CCDC125: variants seen among roughly 807,000 people sequenced by gnomAD.
CCDC125 encodes coiled-coil domain containing 125, also known as coiled-coil domain-containing protein 125.
In CCDC125, 43 loss-of-function variants were observed where a neutral mutation model predicts 57.4. The observed-to-expected ratio is 0.75, with a 90% confidence interval of 0.59 to 0.97. The LOEUF is 0.97. CCDC125 is among the 50% of genes least tolerant of loss of function. The pLI is 0.00. For synonymous variants in CCDC125, 187 were observed against 195.2 expected, an observed-to-expected ratio of 0.96 and a Z score of 0.35; for missense variants, 563 against 595.7, an observed-to-expected ratio of 0.95 and a Z score of 0.57.
intron 6 of CCDC125, among the ~76,000 whole-genome samples, chr5:69,304,352 GC>G (rs1201715883): frequency 6.6e-6 from 1 of 151,324 alleles, no homozygotes; most frequent in Non-Finnish European, 1.5e-5. Context: ...TGATCAGCCC[GC>G]CTCAGCCTCC....
intron 8 of CCDC125, among the ~76,000 whole-genome samples, chr5:69,297,436 C>T (rs1755552009): frequency 6.6e-6 from 1 of 151,822 alleles, no homozygotes; most frequent in Non-Finnish European, 1.5e-5. Context: ...CACAGCTCAC[C>T]ACAACCACTG....
At chr5:69,303,797 C>T in intron 7 of CCDC125, 50 bp downstream of exon 7, 2 of 1,019,448 alleles carry the variant, frequency 2.0e-6, no homozygotes, top group Admixed American at 2.0e-5. Context: ...AAAATACTAG[C>T]ATGTTATCTT....
chr5:69,284,399 G>C (rs1377916639), intron 11 of CCDC125, among the ~76,000 whole-genome samples: 4 of 152,086 alleles, frequency 2.6e-5, no homozygotes, highest in African/African-American at 9.7e-5. Flanking sequence ...TGGGTAGCAG[G>C]ACTGTAAAGG....
intron 1 of CCDC125, among the ~76,000 whole-genome samples, chr5:69,324,247 C>T (rs1760449962): frequency 6.6e-6 from 1 of 152,160 alleles, no homozygotes; most frequent in Non-Finnish European, 1.5e-5. Context: ...AAAGAAGATA[C>T]ATGGATGGAA....
chr5:69,320,359 G>A lies in CCDC125; in HGVS notation c.182C>T (p.Pro61Leu), dbSNP rs201897909. ...TCTTTCTTCTCCCTTTCTCGGAAAT[G>A]GAGGAGGGCTAAAGTTCTTTCCATC... Reference protein sequence around the residue: ...RSDGKNFSPPPFPRKGEERNE... With the variant: ...RSDGKNFSPPLFPRKGEERNE... The change falls in exon 2 of 12, where the codon CCA becomes CTA. Residue 61 changes from proline (P) to leucine (L), a missense_variant. Coordinates refer to ENST00000396496, the MANE Select transcript of CCDC125 (RefSeq NM_176816.5). The A allele has an allele frequency of 6.0e-5, 97 of 1,614,036 alleles. No individual in the cohort carries two copies. The highest frequency in any genetic ancestry group is 8.1e-5 in the Non-Finnish European group (96 of 1,179,964).
intron 8 of CCDC125, among the ~76,000 whole-genome samples, chr5:69,298,916 C>T (rs535237979): frequency 6.6e-6 from 1 of 152,296 alleles, no homozygotes; most frequent in East Asian, 1.9e-4. Flanking sequence ...TGACACCAGG[C>T]AAATTACCTA....
chr5:69,321,155 T>C (rs1759959188), intron 1 of CCDC125, among the ~76,000 whole-genome samples: 1 of 152,126 alleles, frequency 6.6e-6, no homozygotes. Context: ...CATTTCAAAA[T>C]TGCTCATAGA....
chr5:69,287,263 AT>A (rs11331460), intron 10 of CCDC125, among the ~76,000 whole-genome samples: 5,911 of 140,948 alleles, frequency 0.042, 131 homozygotes, highest in Non-Finnish European at 0.064. Context: ...AGATTAATCA[AT>A]TTTTTTTTTT....
intron 1 of CCDC125, among the ~76,000 whole-genome samples, chr5:69,325,372 T>C (rs1760600537): frequency 6.6e-6 from 1 of 151,334 alleles, no homozygotes; most frequent in African/African-American, 2.4e-5. Context: ...ACTTGTTGCC[T>C]GCTTTCCATG....
intron 8 of CCDC125, among the ~76,000 whole-genome samples, chr5:69,297,737 G>A (rs1755623219): frequency 6.6e-6 from 1 of 151,272 alleles, no homozygotes; most frequent in African/African-American, 2.4e-5. Flanking sequence ...GCTGAGGCAG[G>A]CAGATAGCTT....
chr5:69,319,082 C>G (rs948349909), intron 2 of CCDC125, among the ~76,000 whole-genome samples: 1 of 151,920 alleles, frequency 6.6e-6, no homozygotes, highest in Non-Finnish European at 1.5e-5. Flanking sequence ...CACGTGCCAC[C>G]ACACCCAGCT....
At chr5:69,286,184 TA>T (rs1386714208) in intron 10 of CCDC125, among the ~76,000 whole-genome samples, 32 of 84,928 alleles carry the variant, frequency 3.8e-4, no homozygotes, top group African/African-American at 1.4e-3. Context: ...GTTCAAATGG[TA>T]AACTATATAT....
At chr5:69,307,681 C>CAA (rs34077586) in intron 5 of CCDC125, 6,078 of 292,868 alleles carry the variant, frequency 0.021, 1 homozygote, top group South Asian at 0.029. Flanking sequence ...GACTCCATCT[C>CAA]AAAAAAAAAA....
chr5:69,292,465 G>C, intron 9 of CCDC125, 103 bp from the exon 10 acceptor site: 1 of 803,504 alleles, frequency 1.2e-6, no homozygotes, highest in Non-Finnish European at 2.0e-6. Context: ...GCCTAGCACT[G>C]GTTTATTGCC....
At chr5:69,320,785 G>A (rs1759905191) in intron 1 of CCDC125, among the ~76,000 whole-genome samples, 1 of 151,774 alleles carries the variant, frequency 6.6e-6, no homozygotes, top group African/African-American at 2.4e-5. Flanking sequence ...ATATGGTGTG[G>A]GGTGTGTGTG....
intron 1 of CCDC125, among the ~76,000 whole-genome samples, chr5:69,330,089 T>TGAC (rs1244406594): frequency 2.0e-5 from 3 of 152,200 alleles, no homozygotes; most frequent in Non-Finnish European, 1.5e-5. Context: ...GTGACACTAC[T>TGAC]GACTCACTAA....
rs1168112554 is a variant in CCDC125 at position 69,320,385 on chromosome 5, T to C, written c.156A>G (p.Ser52=). 6.2e-7 allele frequency: 1 copy of C among 1,614,186 alleles called. No homozygotes were observed. Among genetic ancestry groups the C allele is most frequent in the South Asian group, 1.1e-5 (1 of 91,078 alleles). ...IEFSHRSRKR[S]DGKNFSPPPF... ...GAGGAGGGCTAAAGTTCTTTCCATC[T>C]GATCTTTTTCTAGACCTATGTGAAA... Residue 52 remains serine, a synonymous_variant, in exon 2 of 12, where the codon TCA becomes TCG. Transcript: ENST00000396496.
chr5:69,283,305 T>C (rs1043834494), intron 11 of CCDC125, among the ~76,000 whole-genome samples: 21 of 150,990 alleles, frequency 1.4e-4, no homozygotes, highest in Non-Finnish European at 1.6e-4. Context: ...CTGCAAGCTC[T>C]GCCTCCCAGG....
Position 69,307,970 on chromosome 5 carries a change from T to C in CCDC125, c.512A>G (p.Gln171Arg). 1 of 1,613,922 alleles carries C rather than the reference T, an allele frequency of 6.2e-7. No homozygotes were observed. Among genetic ancestry groups the C allele is most frequent in the Non-Finnish European group, 8.5e-7 (1 of 1,179,814 alleles). Residue 171 changes from glutamine to arginine, a missense_variant, in exon 5 of 12, where the codon CAA (glutamine) becomes CGA (arginine). Transcript: ENST00000396496. ...AAATACCTTCTCCAAGGATCTGTTT[T>C]GTTCCATAGTTTTTTGAAGCACTGC... ...TQAVLQKTME[Q>R]NRSLEKEINA...
Sources: gnomAD v4.1 joint callset for allele counts (sites outside exome capture counted in the v4.1 genomes callset) on GRCh38, gnomAD v4.1.1 for gene constraint, MANE v1.5 for transcripts, NCBI Gene and HGNC (gene_info 2026-07-23, HGNC 2026-07-21) for gene names.